CDH4: variants seen among roughly 807,000 people sequenced by gnomAD.
CDH4 encodes the protein cadherin 4.
A neutral mutation model predicts 86.0 loss-of-function variants in CDH4; 33 were observed. The observed-to-expected ratio is 0.38, with a 90% CI of 0.29 to 0.51. The LOEUF is 0.51. Ranked by LOEUF, CDH4 falls within the 20% of genes least tolerant of loss-of-function variation. The pLI is 0.86. For missense variants in CDH4, 1,114 were observed against 1,307.4 expected (o/e 0.85, Z 2.28); for synonymous variants, 555 against 549.4 (o/e 1.01, Z -0.14).
intron 2 of CDH4, among the ~76,000 whole-genome samples, chr20:61,345,620 G>A (rs1182137354): frequency 6.6e-6 from 1 of 152,234 alleles, no homozygotes; most frequent in Non-Finnish European, 1.5e-5. Flanking sequence ...AGGAAATGTT[G>A]ATTCACTGCC....
At chr20:61,447,125 T>C (rs1449433244) in intron 2 of CDH4, among the ~76,000 whole-genome samples, 2 of 152,132 alleles carry the variant, frequency 1.3e-5, no homozygotes, top group Non-Finnish European at 2.9e-5. Context: ...TGTGATTTTG[T>C]CTTTTGGGTT....
At chr20:61,932,900 T>C (rs1036889790) in intron 13 of CDH4, 85 bp from the exon 14 acceptor site, 1 of 1,534,366 alleles carries the variant, frequency 6.5e-7, no homozygotes, top group Admixed American at 1.9e-5. Flanking sequence ...TGCATGTACA[T>C]GCCCACATAG....
At position 61,814,353 on chromosome 20, in the gene CDH4, T is replaced by C. The variant is rs73917525; in HGVS notation, c.577-30315T>C. Among the ~76,000 whole-genome samples, 735 of 152,284 alleles carry C rather than the reference T, an allele frequency of 4.8e-3. 8 individuals are homozygous for C. The highest frequency in any genetic ancestry group is 0.016 in the African/African-American group (684 of 41,576). On this transcript the variant is annotated intron_variant, in intron 4 of 15. Coordinates refer to ENST00000614565, the MANE Select transcript of CDH4 (RefSeq NM_001794.5). ...TGGAACCCAGGCCTTCAGAGACACC[T>C]GAAGGGCCCTGGAAAACCTGTCCCT...
chr20:61,665,372 G>C (rs974976620), intron 2 of CDH4, among the ~76,000 whole-genome samples: 6 of 152,218 alleles, frequency 3.9e-5, no homozygotes, highest in African/African-American at 1.4e-4. Flanking sequence ...CCAACAATTT[G>C]ACCTTTCATC....
chr20:61,566,818 A>G (rs182257373), intron 2 of CDH4, among the ~76,000 whole-genome samples: 1 of 151,882 alleles, frequency 6.6e-6, no homozygotes, highest in East Asian at 1.9e-4. Flanking sequence ...CTTATCGGTC[A>G]CTCTCCGGGC....
intron 2 of CDH4, among the ~76,000 whole-genome samples, chr20:61,682,510 C>T (rs2087528446): frequency 6.7e-6 from 1 of 148,742 alleles, no homozygotes; most frequent in South Asian, 2.2e-4. Context: ...GAGAGATGGA[C>T]ACACAGGTGG....
At chr20:61,320,851 C>T (rs2084504111) in intron 2 of CDH4, among the ~76,000 whole-genome samples, 1 of 151,798 alleles carries the variant, frequency 6.6e-6, no homozygotes, top group Admixed American at 6.6e-5. Context: ...GGCCAGGTGG[C>T]TGGAGGGGTG....
intron 2 of CDH4, among the ~76,000 whole-genome samples, chr20:61,672,436 G>C (rs1208622588): frequency 6.6e-6 from 1 of 152,158 alleles, no homozygotes; most frequent in Non-Finnish European, 1.5e-5. Context: ...GGAGCCCTCC[G>C]CAAAGTCAGA....
intron 6 of CDH4, among the ~76,000 whole-genome samples, chr20:61,856,596 A>T (rs1016539233): frequency 1.1e-5 from 1 of 87,394 alleles, no homozygotes; most frequent in Non-Finnish European, 2.5e-5. Context: ...AGCCCCCTAG[A>T]ATCCATGAGG....
At position 61,359,836 on chromosome 20, in the gene CDH4, G is replaced by A. The variant is rs150047622; in HGVS notation, c.169+104899G>A. Among the ~76,000 whole-genome samples the A allele has an allele frequency of 3.0e-3, 462 of 152,302 alleles. 3 individuals are homozygous for A. Among genetic ancestry groups the A allele is most frequent in the African/African-American group, 0.01 (427 of 41,552 alleles). ...AGCGAGATGGCAGTTTAAAGAGAGA[G>A]GCCTCAGAAAGAAAGTGTTTATTGA... On this transcript the variant is annotated intron_variant, in intron 2 of 15. Transcript: ENST00000614565.
intron 2 of CDH4, among the ~76,000 whole-genome samples, chr20:61,711,650 G>A (rs1265662243): frequency 6.6e-6 from 1 of 152,154 alleles, no homozygotes; most frequent in Non-Finnish European, 1.5e-5. Flanking sequence ...ACACCTGCAA[G>A]TCTCCTTTGC....
At chr20:61,545,351 C>T (rs2086070036) in intron 2 of CDH4, among the ~76,000 whole-genome samples, 1 of 152,250 alleles carries the variant, frequency 6.6e-6, no homozygotes, top group East Asian at 1.9e-4. Context: ...CACAATTCTG[C>T]CGGCCGTGGG....
Position 61,517,762 on chromosome 20 carries a change from T to C in CDH4, c.170-225801T>C, listed in dbSNP as rs1201541604. On this transcript the variant is annotated intron_variant, in intron 2 of 15. Coordinates refer to ENST00000614565, the MANE Select transcript of CDH4 (RefSeq NM_001794.5). This position sits in a 1 kb window ranked among gnomAD's most constrained non-coding sequence, Gnocchi z 6.6. ...CCATTCGTCTTATTCTTGTCAGCTA[T>C]TATATGTCTGATTTTATGGTTTTCA... is the stretch of plus-strand genomic sequence containing the variant. Among the ~76,000 whole-genome samples, 2 of 152,200 alleles carry C rather than the reference T, an allele frequency of 1.3e-5. No homozygotes were observed. The highest frequency in any genetic ancestry group is 2.9e-5 in the Non-Finnish European group (2 of 68,028).
chr20:61,760,486 G>A (rs1386452456), intron 3 of CDH4, among the ~76,000 whole-genome samples: 1 of 152,250 alleles, frequency 6.6e-6, no homozygotes, highest in Non-Finnish European at 1.5e-5. Context: ...AGGGGCCATG[G>A]CCTGAGTTCC....
At chr20:61,746,892 G>A (rs567754052) in intron 3 of CDH4, among the ~76,000 whole-genome samples, 9 of 152,336 alleles carry the variant, frequency 5.9e-5, no homozygotes, top group South Asian at 2.1e-4. Flanking sequence ...ACTGTGGGAC[G>A]CTGGGCCACC....
At chr20:61,600,216 T>C (rs2086589275) in intron 2 of CDH4, among the ~76,000 whole-genome samples, 1 of 152,164 alleles carries the variant, frequency 6.6e-6, no homozygotes, top group Non-Finnish European at 1.5e-5. Context: ...GCATCTAATT[T>C]TAGTGAAGAA....
chr20:61,574,723 G>C (rs989773276), intron 2 of CDH4, among the ~76,000 whole-genome samples: 1 of 152,084 alleles, frequency 6.6e-6, no homozygotes, highest in Non-Finnish European at 1.5e-5. Flanking sequence ...CCACAGGTTG[G>C]GGGAGTCACA....
In CDH4 at chr20:61,392,084, G is replaced by A. The variant is rs1425501863; in HGVS notation, c.169+137147G>A. ...CGTGGGTTTCAGCATCGCGGGGGCT[G>A]TGGAGAAAGGCCTAGAGAGCTTTGC... is the stretch of plus-strand genomic sequence containing the variant. On this transcript the variant is annotated intron_variant, in intron 2 of 15. Transcript: ENST00000614565. This position sits in a 1 kb window ranked among gnomAD's most constrained non-coding sequence, Gnocchi z 5.7. Among the ~76,000 whole-genome samples, 1 of 152,070 alleles carries A rather than the reference G, an allele frequency of 6.6e-6. No individual in the cohort carries two copies. The highest frequency in any genetic ancestry group is 1.5e-5 in the Non-Finnish European group (1 of 68,036).
At chr20:61,571,865 G>A (rs574951753) in intron 2 of CDH4, among the ~76,000 whole-genome samples, 1 of 147,150 alleles carries the variant, frequency 6.8e-6, no homozygotes, top group African/African-American at 2.5e-5. Context: ...CAATATCACC[G>A]AATCACATGT....
Sources: gnomAD v4.1 joint callset for allele counts (sites outside exome capture counted in the v4.1 genomes callset) on GRCh38, gnomAD v4.1.1 for gene constraint, Gnocchi (gnomAD v3.1) non-coding constraint, MANE v1.5 for transcripts, NCBI Gene and HGNC (gene_info 2026-07-23, HGNC 2026-07-21) for gene names.